The following MARCHF1 variants were observed in gnomAD, a reference collection of about 807,000 sequenced individuals.
MARCHF1 encodes the protein membrane associated ring-CH-type finger 1.
A neutral mutation model predicts 54.2 loss-of-function variants in MARCHF1; 40 were observed. The observed-to-expected ratio is 0.74, with a 90% CI of 0.57 to 0.96. The LOEUF is 0.96. MARCHF1 is among the 40% of genes least tolerant of loss of function. MARCHF1 has a pLI of 0.00. For missense variants in MARCHF1, 586 were observed against 656.5 expected (o/e 0.89, Z 1.17); for synonymous variants, 236 against 236.3 (o/e 1.00, Z 0.01).
rs188922353 is a variant in MARCHF1, at chr4:164,178,958, G to A, written c.-322-67296C>T. Among the ~76,000 whole-genome samples the A allele has an allele frequency of 2.4e-3, 368 of 152,166 alleles. 1 individual carries two copies. Among genetic ancestry groups the A allele is most frequent in the Middle Eastern group, 3.4e-3 (1 of 294 alleles). On this transcript the variant is annotated intron_variant, in intron 1 of 9. Coordinates refer to ENST00000514618, the MANE Select transcript of MARCHF1 (RefSeq NM_001394959.1). ...CTTCCCCTAGAACCACCCCAACCCC[G>A]AGATGAAATGATACTACCTGGAGAA...
intron 7 of MARCHF1, among the ~76,000 whole-genome samples, chr4:163,604,612 T>C (rs1245163464): frequency 6.6e-6 from 1 of 152,164 alleles, no homozygotes; most frequent in Middle Eastern, 3.2e-3. Context: ...TCTGACAGTG[T>C]CATCCTTTTG....
intron 1 of MARCHF1, among the ~76,000 whole-genome samples, chr4:164,215,959 C>T (rs1731919415): frequency 6.6e-6 from 1 of 152,006 alleles, no homozygotes; most frequent in Non-Finnish European, 1.5e-5. Flanking sequence ...AAAGAATATA[C>T]AATGAAAAAA....
intron 1 of MARCHF1, among the ~76,000 whole-genome samples, chr4:164,373,352 CT>C (rs5863683): frequency 0.065 from 5,986 of 91,414 alleles, 67 homozygotes; most frequent in Non-Finnish European, 0.083. Flanking sequence ...TGAAAAACTA[CT>C]TTTTTTTTTT....
intron 1 of MARCHF1, among the ~76,000 whole-genome samples, chr4:164,273,061 T>C (rs1338812313): frequency 6.6e-6 from 1 of 152,160 alleles, no homozygotes; most frequent in East Asian, 1.9e-4. Context: ...ATAATTTTTT[T>C]TTTTTGTATT....
chr4:163,909,578 A>C (rs1400418920), intron 3 of MARCHF1, among the ~76,000 whole-genome samples: 2 of 152,240 alleles, frequency 1.3e-5, no homozygotes, highest in African/African-American at 4.8e-5. Flanking sequence ...GCACAATGCT[A>C]AATCTCATAC....
At chr4:163,556,266 T>C (rs1377668038) in intron 8 of MARCHF1, among the ~76,000 whole-genome samples, 6 of 152,210 alleles carry the variant, frequency 3.9e-5, no homozygotes, top group African/African-American at 1.4e-4. Context: ...TGTGTAATTT[T>C]CCATCAATAA....
chr4:163,639,381 G>A (rs146715099), intron 5 of MARCHF1, among the ~76,000 whole-genome samples: 2,019 of 152,242 alleles, frequency 0.013, 38 homozygotes, highest in African/African-American at 0.042. Context: ...TGAGACCAGA[G>A]AGAAGTTTCA....
chr4:164,106,181 G>T (rs1755693276), intron 2 of MARCHF1, among the ~76,000 whole-genome samples: 1 of 145,308 alleles, frequency 6.9e-6, no homozygotes, highest in Non-Finnish European at 1.5e-5. Context: ...ATGTAAACTA[G>T]TTCAACCATT....
chr4:163,852,664 T>A (rs181333945), intron 4 of MARCHF1, among the ~76,000 whole-genome samples: 12 of 152,260 alleles, frequency 7.9e-5, no homozygotes, highest in African/African-American at 2.9e-4. Flanking sequence ...CCTTACAATC[T>A]AAGGGTGGGA....
rs1017764062 is a variant in MARCHF1, at chr4:163,800,793, A to G, written c.111+53228T>C. On this transcript the variant is annotated intron_variant, in intron 4 of 9. Transcript: ENST00000514618. ...AGAATCATTACAAGAGGAAAATGCA[A>G]ACCTTTTAAAGGAAAAAATCATTGT... 2.6e-5 allele frequency among the ~76,000 whole-genome samples: 4 copies of G among 152,132 alleles called. No individual in the cohort carries two copies. The South Asian group carries it at 6.2e-4, about 24-fold the overall frequency.
At chr4:163,805,289 C>T (rs1425188775) in intron 4 of MARCHF1, among the ~76,000 whole-genome samples, 1 of 151,202 alleles carries the variant, frequency 6.6e-6, no homozygotes, top group Admixed American at 6.6e-5. Flanking sequence ...ATAAGAATGC[C>T]ATAATTGTGC....
At chr4:164,065,641 C>G (rs1431891109) in intron 2 of MARCHF1, among the ~76,000 whole-genome samples, 1 of 152,068 alleles carries the variant, frequency 6.6e-6, no homozygotes, top group African/African-American at 2.4e-5. Context: ...AAGGTGAAGT[C>G]CTATGATAGG....
At chr4:164,285,685 A>G (rs939924236) in intron 1 of MARCHF1, among the ~76,000 whole-genome samples, 3 of 151,686 alleles carry the variant, frequency 2.0e-5, no homozygotes, top group Non-Finnish European at 4.4e-5. Flanking sequence ...CTCGTGATCC[A>G]CCAGCGACCT....
At chr4:164,308,243 T>A (rs1734747881) in intron 1 of MARCHF1, among the ~76,000 whole-genome samples, 1 of 152,198 alleles carries the variant, frequency 6.6e-6, no homozygotes, top group South Asian at 2.1e-4. Context: ...TGATATTTCA[T>A]TAAAACCTAG....
At position 164,221,466 on chromosome 4, in the gene MARCHF1, A is replaced by C. The variant is rs538931660; in HGVS notation, c.-322-109804T>G. Among the ~76,000 whole-genome samples the C allele has an allele frequency of 1.4e-3, 219 of 151,666 alleles. 4 individuals carry two copies. The South Asian group carries it at 0.045, about 31-fold the overall frequency. On this transcript the variant is annotated intron_variant, in intron 1 of 9. Transcript: ENST00000514618. ...AAAGAGTAGAAAATAAAATTCATTA[A>C]AAAATTAACGAATTCCCTACATCCA...
chr4:164,306,763 G>C (rs537441173), intron 1 of MARCHF1, among the ~76,000 whole-genome samples: 1 of 152,196 alleles, frequency 6.6e-6, no homozygotes, highest in Non-Finnish European at 1.5e-5. Flanking sequence ...ATTTATCACT[G>C]ATCTGGAAAA....
chr4:164,041,550 T>G (rs1021624902), intron 2 of MARCHF1, among the ~76,000 whole-genome samples: 1 of 152,200 alleles, frequency 6.6e-6, no homozygotes, highest in Admixed American at 6.5e-5. Flanking sequence ...TTAGTACATG[T>G]CTTATAACAA....
Position 163,526,823 on chromosome 4 carries a change from ACT to A in MARCHF1, c.*1923_*1924del, listed in dbSNP as rs1260327179. The stretch of plus-strand genomic sequence containing the variant: ...AACATTTTCCCCGCATATATACATG[ACT>A]ACACACACGCCATACACACACACAA... On this transcript the variant is annotated 3_prime_UTR_variant, in exon 10 of 10. Transcript: ENST00000514618. 6.6e-6 allele frequency: 1 copy of A among 151,852 alleles called. No homozygotes were observed. The allele number at this position is 151,852 out of a possible 1,614,324, so 9.4% of individuals were successfully genotyped here.
intron 1 of MARCHF1, among the ~76,000 whole-genome samples, chr4:164,220,737 A>T (rs1176849762): frequency 6.8e-6 from 1 of 146,772 alleles, no homozygotes; most frequent in Non-Finnish European, 1.5e-5. Flanking sequence ...GTATATATGT[A>T]ATATATATGC....
Sources: allele counts gnomAD v4.1 joint callset (sites outside exome capture counted in the v4.1 genomes callset), GRCh38; gene constraint gnomAD v4.1.1; transcripts MANE v1.5; gene names NCBI Gene and HGNC (gene_info 2026-07-23, HGNC 2026-07-21).